Variants in MTRFR observed in about 807,000 individuals in gnomAD.
MTRFR encodes the protein mitochondrial translation release factor in rescue.
Under a neutral mutation model 11.9 loss-of-function variants are expected in MTRFR, and 10 were observed. The ratio of observed to expected loss-of-function variants is 0.84; its 90% confidence interval spans 0.52 to 1.42. The LOEUF (loss-of-function observed/expected upper bound fraction) is 1.42, where lower values mean the gene tolerates loss of function less well. MTRFR is among the 40% of genes most tolerant of loss of function. The probability of loss-of-function intolerance (pLI) is 0.00; values close to 1 mark genes in which losing one functional copy is unlikely to be tolerated. For synonymous variants in MTRFR, 77 were observed against 79.1 expected (o/e 0.97, Z 0.14); for missense variants, 196 against 197.9 (o/e 0.99, Z 0.06).
chr12:123,244,612 C>A (rs1240926615), intron 1 of MTRFR, among the ~76,000 whole-genome samples: 1 of 151,980 alleles, frequency 6.6e-6, no homozygotes, highest in African/African-American at 2.4e-5. Context: ...TCAACAAAGC[C>A]CTTTCTAGAA....
chr12:123,253,177 G>T lies in MTRFR; in HGVS notation c.-28-470G>T, dbSNP rs1376208429. On this transcript the variant is annotated intron_variant, in intron 1 of 2. Coordinates refer to ENST00000253233, the MANE Select transcript of MTRFR (RefSeq NM_152269.5). ...CTGCCTCAGCCTCCCGAGTAGCTGG[G>T]ATTACAGGCACCCACCACCAAGCCC... 3.0e-5 allele frequency among the ~76,000 whole-genome samples: 4 copies of T among 133,442 alleles called. No individual in the cohort carries two copies. The South Asian group carries it at 1.0e-3, about 33-fold the overall frequency. The allele number at this position is 133,442 out of a possible 152,430, so 87.5% of individuals were successfully genotyped here.
chr12:123,253,524 A>G, intron 1 of MTRFR, 123 bp from the exon 2 acceptor site: 1 of 941,186 alleles, frequency 1.1e-6, no homozygotes, highest in Admixed American at 2.0e-5. Flanking sequence ...CATTTCCTAA[A>G]TTCCCTCGGT....
chr12:123,236,235 TGA>T (rs1301964573), intron 1 of MTRFR, among the ~76,000 whole-genome samples: 2 of 152,204 alleles, frequency 1.3e-5, no homozygotes, highest in African/African-American at 4.8e-5. Context: ...TAGGTCTTAC[TGA>T]GATAATCAGG....
At chr12:123,247,725 C>T (rs2048062382) in intron 1 of MTRFR, among the ~76,000 whole-genome samples, 3 of 152,258 alleles carry the variant, frequency 2.0e-5, no homozygotes, top group Middle Eastern at 6.8e-3. Context: ...GTGGGCGGAT[C>T]ATGAGGTCAG....
At chr12:123,255,626 T>G (rs1197149105) in intron 2 of MTRFR, among the ~76,000 whole-genome samples, 1 of 151,948 alleles carries the variant, frequency 6.6e-6, no homozygotes, top group East Asian at 1.9e-4. Flanking sequence ...TCAGTGTTTT[T>G]TGTTTCGTTT....
chr12:123,248,470 G>A (rs962468436), intron 1 of MTRFR: 4 of 156,042 alleles, frequency 2.6e-5, no homozygotes, highest in South Asian at 2.0e-4. Context: ...ATGAAGCCAC[G>A]GACCCTCATG....
intron 1 of MTRFR, among the ~76,000 whole-genome samples, chr12:123,237,449 C>G (rs1306073161): frequency 1.3e-5 from 2 of 152,038 alleles, no homozygotes; most frequent in Non-Finnish European, 2.9e-5. Context: ...TAAAAATGAA[C>G]GAGATGTTGG....
intron 1 of MTRFR, chr12:123,249,072 C>T (rs1387264671): frequency 6.6e-6 from 1 of 152,140 alleles, no homozygotes. Context: ...CAAGTCCCCA[C>T]TAGATTAGCT....
chr12:123,240,235 G>A (rs559671077), intron 1 of MTRFR, among the ~76,000 whole-genome samples: 4 of 151,640 alleles, frequency 2.6e-5, no homozygotes, highest in South Asian at 2.1e-4. Context: ...AAAGCTGGAC[G>A]TGGTGGTGGG....
chr12:123,252,912 G>A (rs923851193), intron 1 of MTRFR, among the ~76,000 whole-genome samples: 11 of 152,036 alleles, frequency 7.2e-5, no homozygotes, highest in Admixed American at 2.0e-4. Flanking sequence ...GCGACAGAGC[G>A]AGATTCCGTC....
chr12:123,244,284 T>A (rs2047999101), intron 1 of MTRFR, among the ~76,000 whole-genome samples: 1 of 151,840 alleles, frequency 6.6e-6, no homozygotes, highest in Non-Finnish European at 1.5e-5. Flanking sequence ...AATACAAAAT[T>A]AGCCGGGCGT....
At chr12:123,256,704 A>T in intron 2 of MTRFR, 109 bp from the exon 3 acceptor site, 1 of 880,554 alleles carries the variant, frequency 1.1e-6, no homozygotes, top group Non-Finnish European at 1.8e-6. Flanking sequence ...CTCAATAAAT[A>T]AATAAATAGT....
intron 1 of MTRFR, among the ~76,000 whole-genome samples, chr12:123,245,568 T>G (rs889740839): frequency 1.3e-5 from 2 of 152,190 alleles, no homozygotes; most frequent in Admixed American, 1.3e-4. Context: ...TTCAGCAGTT[T>G]TGTAGTTTTC....
intron 1 of MTRFR, among the ~76,000 whole-genome samples, chr12:123,242,438 T>C (rs2047954779): frequency 6.6e-6 from 1 of 152,212 alleles, no homozygotes; most frequent in South Asian, 2.1e-4. Flanking sequence ...CCCTAAAGAC[T>C]TTGGATTACT....
At chr12:123,235,379 AAGTC>A (rs2047829176) in intron 1 of MTRFR, among the ~76,000 whole-genome samples, 1 of 151,968 alleles carries the variant, frequency 6.6e-6, no homozygotes, top group Non-Finnish European at 1.5e-5. Flanking sequence ...CAAATACAGA[AAGTC>A]AGGCTGGTCC....
chr12:123,245,866 T>C (rs1333134464), intron 1 of MTRFR, among the ~76,000 whole-genome samples: 1 of 152,140 alleles, frequency 6.6e-6, no homozygotes, highest in East Asian at 1.9e-4. Context: ...ACAGCTTGAC[T>C]TCCTCTTTAT....
intron 2 of MTRFR, among the ~76,000 whole-genome samples, chr12:123,255,764 A>T (rs2048176355): frequency 6.6e-6 from 1 of 152,198 alleles, no homozygotes; most frequent in Admixed American, 6.5e-5. Context: ...AGCTGGGATT[A>T]CAGGTGCCCA....
At chr12:123,247,984 A>G (rs550222264) in intron 1 of MTRFR, among the ~76,000 whole-genome samples, 2 of 151,892 alleles carry the variant, frequency 1.3e-5, no homozygotes, top group East Asian at 3.9e-4. Flanking sequence ...CATTGCATTC[A>G]TTGTGCTCTT....
intron 1 of MTRFR, among the ~76,000 whole-genome samples, chr12:123,246,626 T>C (rs1278822088): frequency 6.6e-6 from 1 of 151,264 alleles, no homozygotes; most frequent in Non-Finnish European, 1.5e-5. Flanking sequence ...GCTAATTTAT[T>C]TGTATGGTTT....
Sources: allele counts gnomAD v4.1 joint callset (sites outside exome capture counted in the v4.1 genomes callset), GRCh38; gene constraint gnomAD v4.1.1; transcripts MANE v1.5; gene names NCBI Gene and HGNC (gene_info 2026-07-23, HGNC 2026-07-21).